CYP2A6: variants seen among roughly 807,000 people sequenced by gnomAD.
CYP2A6 encodes the protein cytochrome P450 2A6.
In CYP2A6, 27 loss-of-function variants were observed where a neutral mutation model predicts 42.3. That is an observed-to-expected ratio of 0.64 (90% CI 0.47 to 0.88). CYP2A6 has a LOEUF of 0.88. Ranked by LOEUF, CYP2A6 falls within the 40% of genes least tolerant of loss-of-function variation. The pLI is 0.00. For missense variants in CYP2A6, 628 were observed against 646.0 expected (o/e 0.97, Z 0.30); for synonymous variants, 238 against 246.3 (o/e 0.97, Z 0.31).
At chr19:40,845,229 G>A in intron 7 of CYP2A6, 65 bp downstream of exon 7, 1 of 1,597,574 alleles carries the variant, frequency 6.3e-7, no homozygotes, top group Non-Finnish European at 8.6e-7. Flanking sequence ...AATGTGGGTG[G>A]GATGCTGGGG....
chr19:40,844,844 G>C, intron 7 of CYP2A6, 72 bp from the exon 8 acceptor site: 1 of 1,543,352 alleles, frequency 6.5e-7, no homozygotes, highest in Non-Finnish European at 8.8e-7. Flanking sequence ...GGGGCTGGAG[G>C]GGGAACTAGT....
At chr19:40,849,021 G>GGAGA (rs1193510304) in intron 2 of CYP2A6, among the ~76,000 whole-genome samples, 1,075 of 50,070 alleles carry the variant, frequency 0.021, 71 homozygotes, top group African/African-American at 0.052. Context: ...AAGAGAGAGA[G>GGAGA]GAGAGAGAGA....
At chr19:40,848,972 GA>G (rs1967157280) in intron 2 of CYP2A6, among the ~76,000 whole-genome samples, 1 of 103,272 alleles carries the variant, frequency 9.7e-6, no homozygotes, top group Non-Finnish European at 2.0e-5. Flanking sequence ...GAGAGAGAGA[GA>G]GAGAAGAGAG....
chr19:40,850,409 C>G lies in CYP2A6; in HGVS notation c.18G>C (p.Met6Ile), dbSNP rs775409921. 6.2e-7 allele frequency: 1 copy of G among 1,609,722 alleles called. No homozygotes were observed. The highest frequency in any genetic ancestry group is 8.5e-7 in the Non-Finnish European group (1 of 1,178,504). Residue 6 changes from methionine to isoleucine, a missense_variant, in exon 1 of 9, where the codon ATG (methionine) becomes ATC (isoleucine). This residue lies in a region of CYP2A6 where 606 missense variants were observed against 568.1 expected (regional missense o/e 1.07). Transcript: ENST00000301141. MLASGMLLVALLVCLT... is the reference protein window; with the variant it reads MLASGILLVALLVCLT... ...GGCAGACCAGCAAGGCCACCAGAAG[C>G]ATCCCTGAGGCCAGCATGGTGGTAG...
At chr19:40,848,560 C>G in intron 3 of CYP2A6, 54 bp downstream of exon 3, 1 of 1,597,706 alleles carries the variant, frequency 6.3e-7, no homozygotes, top group Non-Finnish European at 8.5e-7. Context: ...GCGCGGGTTC[C>G]TCGTCCTGGG....
intron 6 of CYP2A6, 66 bp downstream of exon 6, chr19:40,845,890 T>A (rs903554986): frequency 6.3e-7 from 1 of 1,581,798 alleles, no homozygotes; most frequent in Non-Finnish European, 8.6e-7. Flanking sequence ...GGTGGGGACA[T>A]TGCACCAGTC....
In CYP2A6 at chr19:40,850,414, C is replaced by T. The variant is rs28399434; in HGVS notation, c.13G>A (p.Gly5Arg). Residue 5 changes from glycine (G) to arginine (R), a missense_variant, in exon 1 of 9, where the codon GGG becomes AGG. Gly to Arg is a moderately radical substitution (Grantham distance 125). This residue lies in a region of CYP2A6 where 606 missense variants were observed against 568.1 expected (regional missense o/e 1.07). Transcript: ENST00000301141. ...ACCAGCAAGGCCACCAGAAGCATCC[C>T]TGAGGCCAGCATGGTGGTAGTGGGA... is the stretch of plus-strand genomic sequence containing the variant. MLASGMLLVALLVCL... is the reference protein window; with the variant it reads MLASRMLLVALLVCL... 182 of 1,609,526 alleles carry T rather than the reference C, an allele frequency of 1.1e-4. 28 individuals are homozygous for T. The East Asian group carries it at 4.2e-3, about 37-fold the overall frequency.
intron 8 of CYP2A6, 91 bp from the exon 9 acceptor site, chr19:40,844,068 G>C: frequency 6.7e-7 from 1 of 1,488,250 alleles, no homozygotes; most frequent in Non-Finnish European, 8.9e-7. Context: ...CTCTCCCAGG[G>C]AGGAAGGGTG....
rs372178313 is a variant in CYP2A6 at position 40,844,922 on chromosome 19, G to A, written c.1162-150C>T. The A allele has an allele frequency of 1.5e-4, 149 of 1,023,736 alleles. 3 individuals are homozygous for A. Among genetic ancestry groups the A allele is most frequent in the Admixed American group, 9.1e-4 (32 of 34,986 alleles). 63.4% of individuals were successfully genotyped at this position (1,023,736 alleles called of 1,614,324 possible). ...GTCCTCTGATGGAGGAGCTTTGGGG[G>A]ATAGAAGGTTCACATCTCTGAAACA... is the stretch of plus-strand genomic sequence containing the variant. On this transcript the variant is annotated intron_variant, in intron 7 of 8. Transcript: ENST00000301141.
At chr19:40,846,737 C>T (rs1967107573) in intron 5 of CYP2A6, 138 bp downstream of exon 5, 21 of 1,351,484 alleles carry the variant, frequency 1.6e-5, no homozygotes, top group Non-Finnish European at 2.1e-5. Context: ...GGCTGTTAGC[C>T]ACGGCACCCA....
In CYP2A6 at chr19:40,850,318, G is replaced by C. The variant is rs766052140; in HGVS notation, c.109C>G (p.Pro37Ala). The change falls in exon 1 of 9, where the codon CCC becomes GCC. Residue 37 changes from proline (P) to alanine (A), a missense_variant. Pro to Ala is a conservative substitution (Grantham distance 27, BLOSUM62 -1). Coordinates refer to ENST00000301141, the MANE Select transcript of CYP2A6 (RefSeq NM_000762.6). ...TTTCCAATGAAGGGCAATGGGGTGG[G>C]TCCCGGAGGCAGCTTCCCCTTGCTC... is the stretch of plus-strand genomic sequence containing the variant. Reference protein sequence around the residue: ...RKSKGKLPPGPTPLPFIGNYL... With the variant: ...RKSKGKLPPGATPLPFIGNYL... 1 of 1,610,030 alleles carries C rather than the reference G, an allele frequency of 6.2e-7. No homozygotes were observed. Among genetic ancestry groups the C allele is most frequent in the South Asian group, 1.1e-5 (1 of 90,778 alleles).
At position 40,848,987 on chromosome 19, in the gene CYP2A6, GGA is replaced by G. The variant is rs1265457431; in HGVS notation, c.344-226_344-225del. On this transcript the variant is annotated intron_variant, in intron 2 of 8. Coordinates refer to ENST00000301141, the MANE Select transcript of CYP2A6 (RefSeq NM_000762.6). The stretch of plus-strand genomic sequence containing the variant: ...GAGAGAGAGAGAGAGAAGAGAGAGA[GGA>G]GAGAGAGAGAGAGAGAGAGAGAAGA... Among the ~76,000 whole-genome samples, 146 of 89,992 alleles carry G rather than the reference GGA, an allele frequency of 1.6e-3. 1 individual carries two copies. The highest frequency in any genetic ancestry group is 7.9e-3 in the Middle Eastern group (1 of 126). 59.0% of individuals were successfully genotyped at this position (89,992 alleles called of 152,430 possible).
rs1263129666 is a variant in CYP2A6, at chr19:40,848,982, A to G, written c.344-219T>C. ...AGAGAGAGAGAGAGAGAGAGAAGAGAGAGAGGAGAGAGAGAGAGAGAGAGA... is the reference window on the plus strand; with the variant it reads ...AGAGAGAGAGAGAGAGAGAGAAGAGGGAGAGGAGAGAGAGAGAGAGAGAGA... On this transcript the variant is annotated intron_variant, in intron 2 of 8. Coordinates refer to ENST00000301141, the MANE Select transcript of CYP2A6 (RefSeq NM_000762.6). Among the ~76,000 whole-genome samples, 302 of 117,142 alleles carry G rather than the reference A, an allele frequency of 2.6e-3. 1 individual carries two copies. Among genetic ancestry groups the G allele is most frequent in the African/African-American group, 0.011 (287 of 25,908 alleles). The allele number at this position is 117,142 out of a possible 152,430, so 76.8% of individuals were successfully genotyped here. A position where few individuals can be genotyped will look rare whatever the true frequency, so the allele number is the denominator to read the frequency against.
chr19:40,850,023 C>T (rs896784654), intron 1 of CYP2A6, 43 bp from the exon 2 acceptor site: 4 of 1,605,206 alleles, frequency 2.5e-6, no homozygotes, highest in Non-Finnish European at 3.4e-6. Flanking sequence ...GAAGCCTCCA[C>T]TCTGAATGGG....
At position 40,848,372 on chromosome 19, in the gene CYP2A6, A is replaced by G; in HGVS notation, c.501T>C (p.Asn167=). ...GGCTCAGGAAGAAGGTGGGATCGAT[A>G]TTGGCGCCTGCGGGTATGGCGGGAG... ...IDALRGTGGA[N]IDPTFFLSRT... The change falls in exon 4 of 9, where the codon AAT becomes AAC. Residue 167 remains asparagine, a synonymous_variant. Transcript: ENST00000301141. The G allele has an allele frequency of 6.2e-7, 1 of 1,611,854 alleles. No homozygotes were observed. Among genetic ancestry groups the G allele is most frequent in the Non-Finnish European group, 8.5e-7 (1 of 1,179,922 alleles).
chr19:40,845,304 A>G lies in CYP2A6; in HGVS notation c.1151T>C (p.Phe384Ser), dbSNP rs751427594. The change falls in exon 7 of 9, where the codon TTC becomes TCC. Residue 384 changes from phenylalanine to serine, a missense_variant. This residue lies in a region of CYP2A6 where 606 missense variants were observed against 568.1 expected (regional missense o/e 1.07). Coordinates refer to ENST00000301141, the MANE Select transcript of CYP2A6 (RefSeq NM_000762.6). ...GGGGGCGGATAGCACCTTAGGGAGG[A>G]AGAAATCCCGAAACTTGGTGTCCTT... Reference protein sequence around the residue: ...VKKDTKFRDFFLPKGTEVYPM... With the variant: ...VKKDTKFRDFSLPKGTEVYPM... The G allele has an allele frequency of 6.2e-7, 1 of 1,611,434 alleles. No individual in the cohort carries two copies. The highest frequency in any genetic ancestry group is 1.1e-5 in the South Asian group (1 of 90,882).
At chr19:40,846,288 T>C (rs973123205) in intron 5 of CYP2A6, among the ~76,000 whole-genome samples, 191 bp from the exon 6 acceptor site, 24 of 151,408 alleles carry the variant, frequency 1.6e-4, no homozygotes, top group Non-Finnish European at 2.6e-4. Context: ...CTCTTCCTTC[T>C]CACCTTCTTT....
In CYP2A6 at chr19:40,846,853, C is replaced by T. The variant is rs376697000; in HGVS notation, c.831+22G>A. 3.4e-5 allele frequency: 55 copies of T among 1,610,022 alleles called. 3 individuals carry two copies. The highest frequency in any genetic ancestry group is 1.2e-4 in the Admixed American group (7 of 59,946). On this transcript the variant is annotated intron_variant, in intron 5 of 8. Coordinates refer to ENST00000301141, the MANE Select transcript of CYP2A6 (RefSeq NM_000762.6). ...CCCTCTGCCTGGCTTTGCATCTCCC[C>T]GCAGTGGCTGCTGGGGTGTACCTCC... is the stretch of plus-strand genomic sequence containing the variant.
Position 40,849,970 on chromosome 19 carries a change from C to G in CYP2A6, c.191G>C (p.Arg64Pro). 6.2e-7 allele frequency: 1 copy of G among 1,610,914 alleles called. No homozygotes were observed. Among genetic ancestry groups the G allele is most frequent in the Non-Finnish European group, 8.5e-7 (1 of 1,179,350 alleles). The change falls in exon 2 of 9, where the codon CGC (arginine) becomes CCC (proline). Residue 64 changes from arginine to proline, a missense_variant. Transcript: ENST00000301141. ...GTGAATGGTGAACACGGGGCCATAG[C>G]GCTCACTGATCTGATGGAGGTGGGT... ...MYNSLMKISE[R>P]YGPVFTIHLG...
Sources: allele counts gnomAD v4.1 joint callset (sites outside exome capture counted in the v4.1 genomes callset), GRCh38; gene constraint gnomAD v4.1.1; regional missense constraint gnomAD v4.1.1; transcripts MANE v1.5; gene names NCBI Gene and HGNC (gene_info 2026-07-23, HGNC 2026-07-21).